DIDO1: variants seen among roughly 807,000 people sequenced by gnomAD.
The protein encoded by DIDO1 is death inducer-obliterator 1.
Under a neutral mutation model 99.4 loss-of-function variants are expected in DIDO1, and 16 were observed. The observed-to-expected ratio is 0.16, with a 90% CI of 0.11 to 0.24. The LOEUF (loss-of-function observed/expected upper bound fraction) is 0.24. Among genes scored for constraint, DIDO1 ranks in the 10% least tolerant of loss-of-function variants. The pLI is 1.00. For missense variants in DIDO1, 2,996 were observed against 3,014.0 expected (o/e 0.99, Z 0.14); for synonymous variants, 1,366 against 1,239.1 (o/e 1.10, Z -2.15).
chr20:62,907,047 C>T, intron 5 of DIDO1, 100 bp downstream of exon 5: 1 of 1,280,338 alleles, frequency 7.8e-7, no homozygotes. Context: ...CGCCCCCCTA[C>T]ACCTGCCACC....
intron 1 of DIDO1, among the ~76,000 whole-genome samples, chr20:62,917,942 T>A (rs893537602): frequency 2.1e-4 from 32 of 152,190 alleles, no homozygotes; most frequent in Admixed American, 1.6e-3. Context: ...CAGGAGTCCA[T>A]GAAACACAAA....
intron 1 of DIDO1, among the ~76,000 whole-genome samples, chr20:62,921,949 A>G (rs1421135147): frequency 6.6e-6 from 1 of 150,548 alleles, no homozygotes; most frequent in East Asian, 1.9e-4. Context: ...TATACACTAT[A>G]TATGTCCACA....
rs141286941 is a variant in DIDO1, at chr20:62,896,738, G to C, written c.1847C>G (p.Pro616Arg). 33 of 1,613,558 alleles carry C rather than the reference G, an allele frequency of 2.0e-5. No homozygotes were observed. The highest frequency in any genetic ancestry group is 2.4e-5 in the Non-Finnish European group (28 of 1,179,700). Reference protein sequence around the residue: ...SGASAARQAGPAPAAATAASK... With the variant: ...SGASAARQAGRAPAAATAASK... ...GGCAGCCGTTGCCGCTGCAGGTGCCGGTCCGGCCTGCCTGGCAGCTGAAGC... is the reference window on the plus strand; with the variant it reads ...GGCAGCCGTTGCCGCTGCAGGTGCCCGTCCGGCCTGCCTGGCAGCTGAAGC... Residue 616 changes from proline (P) to arginine (R), a missense_variant, in exon 7 of 16, where the codon CCG becomes CGG. By Grantham distance (103) the Pro-to-Arg change is moderately radical. Coordinates refer to ENST00000395343, the MANE Select transcript of DIDO1 (RefSeq NM_001193369.2). The surrounding 1 kb of genome is among the most constrained non-coding windows in gnomAD (Gnocchi z 4.4).
intron 15 of DIDO1, among the ~76,000 whole-genome samples, chr20:62,884,455 CGTGACT>C (rs2064266423): frequency 6.6e-6 from 1 of 152,198 alleles, no homozygotes; most frequent in African/African-American, 2.4e-5. Context: ...GATAATTTAA[CGTGACT>C]GTGGTATACA....
upstream of DIDO1, among the ~76,000 whole-genome samples, chr20:62,926,960 T>C (rs763116248): frequency 3.9e-5 from 6 of 152,122 alleles, no homozygotes; most frequent in Non-Finnish European, 1.5e-5. Flanking sequence ...TCTTCCAGAT[T>C]GTGTTTCTCA....
At chr20:62,912,383 G>A (rs1027875997) in intron 2 of DIDO1, among the ~76,000 whole-genome samples, 4 of 151,900 alleles carry the variant, frequency 2.6e-5, no homozygotes, top group Non-Finnish European at 5.9e-5. Context: ...AAGACAACTG[G>A]GACACTTAGA....
intron 1 of DIDO1, among the ~76,000 whole-genome samples, chr20:62,916,793 C>T (rs572932809): frequency 6.6e-6 from 1 of 152,286 alleles, no homozygotes; most frequent in South Asian, 2.1e-4. Context: ...ACTGGATGTT[C>T]ACTGATACTA....
At chr20:62,922,171 CT>C (rs1455562256) in intron 1 of DIDO1, among the ~76,000 whole-genome samples, 3 of 149,674 alleles carry the variant, frequency 2.0e-5, no homozygotes, top group Admixed American at 1.3e-4. Flanking sequence ...ATGCCCGGCT[CT>C]TTTATATGTA....
intron 2 of DIDO1, among the ~76,000 whole-genome samples, chr20:62,912,172 G>A (rs190241952): frequency 6.6e-6 from 1 of 152,182 alleles, no homozygotes; most frequent in Admixed American, 6.5e-5. Context: ...GCTGAGTCCC[G>A]ACTTTCAGCT....
At chr20:62,923,958 A>G (rs565229418) in intron 1 of DIDO1, among the ~76,000 whole-genome samples, 45 of 152,358 alleles carry the variant, frequency 3.0e-4, no homozygotes, top group African/African-American at 1.1e-3. Context: ...TCAACTTCAT[A>G]TAACAACTTA....
chr20:62,900,100 C>T (rs966142458), intron 6 of DIDO1, among the ~76,000 whole-genome samples: 1 of 152,106 alleles, frequency 6.6e-6, no homozygotes, highest in Non-Finnish European at 1.5e-5. Flanking sequence ...CGAGCCTCCC[C>T]TACACGCTGC....
In DIDO1 at chr20:62,880,776, G is replaced by A; in HGVS notation, c.5180C>T (p.Ala1727Val). ...GETEGDREPQ[A>V]RPGEGTAPLP... is the part of the protein sequence containing the mutation. ...CGGGGCGGTGCCCTCGCCGGGTCTG[G>A]CCTGTGGCTCTCTGTCCCCCTCTGT... Residue 1727 changes from alanine to valine, a missense_variant, in exon 16 of 16, where the codon GCC becomes GTC. Physicochemically the swap from Ala to Val is moderately conservative, Grantham distance 64. This residue lies in a region of DIDO1 where 1,562 missense variants were observed against 1,412.6 expected (regional missense o/e 1.11). Coordinates refer to ENST00000395343, the MANE Select transcript of DIDO1 (RefSeq NM_001193369.2). The A allele has an allele frequency of 6.2e-7, 1 of 1,612,626 alleles. No homozygotes were observed. Among genetic ancestry groups the A allele is most frequent in the Non-Finnish European group, 8.5e-7 (1 of 1,179,904 alleles).
At chr20:62,918,629 C>T (rs772236760) in intron 1 of DIDO1, among the ~76,000 whole-genome samples, 4 of 152,208 alleles carry the variant, frequency 2.6e-5, no homozygotes, top group Non-Finnish European at 5.9e-5. Context: ...TAGTGGCAAA[C>T]ATTCTGTTTC....
intron 8 of DIDO1, among the ~76,000 whole-genome samples, chr20:62,895,691 C>T (rs1330044849): frequency 1.3e-5 from 2 of 152,184 alleles, no homozygotes; most frequent in African/African-American, 4.8e-5. Context: ...GGCGGCCTAT[C>T]CCTCCCAGCT....
intron 6 of DIDO1, among the ~76,000 whole-genome samples, chr20:62,902,235 GGCT>G (rs1292032029): frequency 1.3e-5 from 2 of 152,116 alleles, no homozygotes; most frequent in Admixed American, 6.6e-5. Context: ...CTCAATGGCA[GGCT>G]GCTTTTTAAG....
At chr20:62,922,105 T>TACACAC (rs1392712833) in intron 1 of DIDO1, among the ~76,000 whole-genome samples, 1,399 of 67,806 alleles carry the variant, frequency 0.021, 29 homozygotes, top group African/African-American at 0.073. Flanking sequence ...ACACACTATA[T>TACACAC]ATATACACAC....
Position 62,881,093 on chromosome 20 carries a change from C to T in DIDO1, c.4863G>A (p.Ser1621=), listed in dbSNP as rs756789218. Residue 1621 remains serine (S), a synonymous_variant, in exon 16 of 16, where the codon TCG becomes TCA. Transcript: ENST00000395343. This position sits in a 1 kb window ranked among gnomAD's most constrained non-coding sequence, Gnocchi z 8.3. Reference sequence around the variant, plus strand: ...CGGACCCCGCTGGGGGCTTTTCGCCCGAAGCCCAGGGGGAAGAGGCTGGCT... The same window carrying T: ...CGGACCCCGCTGGGGGCTTTTCGCCTGAAGCCCAGGGGGAAGAGGCTGGCT... ...EKEPASSPWA[S]GEKPPAGSEQ... is the part of the protein sequence containing the mutation. The T allele has an allele frequency of 9.9e-6, 16 of 1,608,878 alleles. No homozygotes were observed. The highest frequency in any genetic ancestry group is 8.8e-5 in the South Asian group (8 of 90,920).
At chr20:62,892,220 C>T (rs1283655800) in intron 13 of DIDO1, 144 bp from the exon 14 acceptor site, 2 of 714,108 alleles carry the variant, frequency 2.8e-6, no homozygotes, top group Admixed American at 6.8e-5. Context: ...GTATTAAATG[C>T]ATTAAGTCCA....
intron 6 of DIDO1, among the ~76,000 whole-genome samples, chr20:62,901,418 T>A (rs150599124): frequency 3.7e-4 from 56 of 152,328 alleles, no homozygotes; most frequent in African/African-American, 1.3e-3. Flanking sequence ...CAGCTGCACA[T>A]GGTGTGTGCC....
Sources: allele counts gnomAD v4.1 joint callset (sites outside exome capture counted in the v4.1 genomes callset), GRCh38; gene constraint gnomAD v4.1.1; regional missense constraint gnomAD v4.1.1; non-coding constraint Gnocchi (gnomAD v3.1); transcripts MANE v1.5; gene names NCBI Gene and HGNC (gene_info 2026-07-23, HGNC 2026-07-21).